XRN1: variants seen among roughly 807,000 people sequenced by gnomAD.
XRN1 encodes strand-exchange protein 1 homolog.
In XRN1, 67 loss-of-function variants were observed where a neutral mutation model predicts 222.3. The ratio of observed to expected loss-of-function variants is 0.30; its 90% CI spans 0.25 to 0.37. The LOEUF (loss-of-function observed/expected upper bound fraction) is 0.37, where lower values mean the gene tolerates loss of function less well. Ranked by LOEUF, XRN1 falls within the 10% of genes least tolerant of loss-of-function variation. XRN1 has a pLI of 1.00. For synonymous variants in XRN1, 643 were observed against 652.4 expected (o/e 0.99, Z 0.22); for missense variants, 1,707 against 2,000.2 (o/e 0.85, Z 2.80).
intron 20 of XRN1, among the ~76,000 whole-genome samples, chr3:142,390,825 C>T (rs2067684699): frequency 6.6e-6 from 1 of 152,154 alleles, no homozygotes; most frequent in Non-Finnish European, 1.5e-5. Context: ...TTGATTTAAA[C>T]CTAGAAACAT....
chr3:142,414,600 A>G (rs1577394443), intron 13 of XRN1, among the ~76,000 whole-genome samples: 2 of 151,566 alleles, frequency 1.3e-5, no homozygotes, highest in East Asian at 1.9e-4. Flanking sequence ...GGCTCAGGCC[A>G]TTCTGCTGCC....
chr3:142,354,366 G>A (rs1481736521), intron 32 of XRN1, among the ~76,000 whole-genome samples: 1 of 152,164 alleles, frequency 6.6e-6, no homozygotes, highest in East Asian at 1.9e-4. Context: ...AAGTAGTTTG[G>A]AGATTTCTCA....
intron 13 of XRN1, among the ~76,000 whole-genome samples, chr3:142,415,773 C>CA: frequency 6.6e-6 from 1 of 152,336 alleles, no homozygotes; most frequent in South Asian, 2.1e-4. Flanking sequence ...AGCTCTGAAA[C>CA]AGAGCCTAGC....
At position 142,384,523 on chromosome 3, in the gene XRN1, C is replaced by T. The variant is rs201009994; in HGVS notation, c.2502G>A (p.Lys834=). Residue 834 remains lysine, a splice_region_variant and synonymous_variant, in exon 21 of 41, where the codon AAG becomes AAA. Transcript: ENST00000392981. The part of the protein sequence containing the change: ...VVPFVYQTIV[K]DIRAFDSRFS... ...GAATTGAAACTTGATATAGACTTACCTTGACAATAGTTTGATAAACAAAAG... is the reference window on the plus strand; with the variant it reads ...GAATTGAAACTTGATATAGACTTACTTTGACAATAGTTTGATAAACAAAAG... The T allele has an allele frequency of 2.7e-5, 44 of 1,608,204 alleles. No individual in the cohort carries two copies. In the African/African-American group the frequency reaches 4.5e-4, roughly 17 times the overall value.
chr3:142,340,719 G>T (rs1197216857), intron 33 of XRN1, among the ~76,000 whole-genome samples: 1 of 152,144 alleles, frequency 6.6e-6, no homozygotes, highest in African/African-American at 2.4e-5. Context: ...CAATACATCT[G>T]GCAGCAGACT....
chr3:142,358,373 AT>A (rs956394632), intron 30 of XRN1, among the ~76,000 whole-genome samples: 12 of 151,846 alleles, frequency 7.9e-5, no homozygotes, highest in Admixed American at 1.3e-4. Flanking sequence ...TCTATCACCT[AT>A]TTTTTTTCTC....
At position 142,418,515 on chromosome 3, in the gene XRN1, G is replaced by A. The variant is rs147612996; in HGVS notation, c.1335C>T (p.Asp445=). ...RTYYMTKMGV[D]VVSDDFLADQ... Reference sequence around the variant, plus strand: ...TGGCAAAAACGTACTCAGATACTACGTCAACCCCCATCTTCGTCATGTAAT... The same window carrying A: ...TGGCAAAAACGTACTCAGATACTACATCAACCCCCATCTTCGTCATGTAAT... Residue 445 remains aspartate (D), a synonymous_variant, in exon 12 of 41, where the codon GAC becomes GAT. Coordinates refer to ENST00000392981, the MANE Select transcript of XRN1 (RefSeq NM_001282857.2). The A allele has an allele frequency of 7.0e-5, 112 of 1,608,876 alleles. 2 individuals are homozygous for A. In the Middle Eastern group the frequency reaches 1.3e-3, roughly 19 times the overall value.
intron 39 of XRN1, chr3:142,313,105 G>T: frequency 6.3e-7 from 1 of 1,590,918 alleles, no homozygotes; most frequent in Admixed American, 1.9e-5. Context: ...GAAAAGCTTG[G>T]GCACAAATAG....
intron 22 of XRN1, 37 bp downstream of exon 22, chr3:142,383,262 TA>T (rs1481725511): frequency 6.7e-7 from 1 of 1,502,822 alleles, no homozygotes; most frequent in East Asian, 2.3e-5. Context: ...TGCTTTAAAC[TA>T]GAGAAAAATG....
chr3:142,364,946 A>T, intron 29 of XRN1, 101 bp downstream of exon 29: 1 of 1,268,536 alleles, frequency 7.9e-7, no homozygotes, highest in Non-Finnish European at 1.1e-6. Context: ...TTTGTTCCTG[A>T]TTTATAGTCA....
chr3:142,351,145 G>GTATC (rs1430949981), intron 32 of XRN1, among the ~76,000 whole-genome samples: 4 of 151,890 alleles, frequency 2.6e-5, no homozygotes, highest in East Asian at 1.9e-4. Flanking sequence ...ATCTATCTAT[G>GTATC]TATCTATGTA....
chr3:142,400,591 A>C, intron 18 of XRN1, 44 bp from the exon 19 acceptor site: 1 of 1,535,440 alleles, frequency 6.5e-7, no homozygotes. Context: ...TTCAGGTCTA[A>C]GAGAAAACTT....
At chr3:142,321,899 C>G (rs1284872777) in intron 37 of XRN1, among the ~76,000 whole-genome samples, 1 of 152,114 alleles carries the variant, frequency 6.6e-6, no homozygotes, top group East Asian at 1.9e-4. Flanking sequence ...AAGATCATAT[C>G]ATCTGCAAAC....
At position 142,311,643 on chromosome 3, in the gene XRN1, T is replaced by A. The variant is rs145537762; in HGVS notation, c.4953A>T (p.Ala1651=). The A allele has an allele frequency of 6.2e-7, 1 of 1,614,044 alleles. No individual in the cohort carries two copies. The highest frequency in any genetic ancestry group is 1.3e-5 in the African/African-American group (1 of 74,930). The change falls in exon 41 of 41, where the codon GCA becomes GCT. Residue 1651 remains alanine, a synonymous_variant. Transcript: ENST00000392981. ...SLKSSPIAQP[A]SSFQVETASQ... ...AGGCAGTTTCAACTTGAAAAGAAGA[T>A]GCAGGTTGAGCAATCGGAGAGGACT...
At position 142,431,902 on chromosome 3, in the gene XRN1, T is replaced by TTA. The variant is rs1252861014; in HGVS notation, c.308+757_308+758dup. The stretch of plus-strand genomic sequence containing the variant: ...ATATATATTATATATAATATATATA[T>TTA]TATATATATAAATATATATAATATA... On this transcript the variant is annotated intron_variant, in intron 2 of 40. Transcript: ENST00000392981. 1.1e-4 allele frequency among the ~76,000 whole-genome samples: 5 copies of TTA among 45,050 alleles called. 1 individual carries two copies. Among genetic ancestry groups the TTA allele is most frequent in the South Asian group, 8.9e-4 (2 of 2,256 alleles). 29.6% of individuals were successfully genotyped at this position (45,050 alleles called of 152,430 possible).
chr3:142,347,048 C>CA (rs1330471556), intron 33 of XRN1, among the ~76,000 whole-genome samples, 186 bp downstream of exon 33: 1 of 151,870 alleles, frequency 6.6e-6, no homozygotes, highest in African/African-American at 2.4e-5. Flanking sequence ...TTTCAGGTGA[C>CA]AAAAAATGTT....
At chr3:142,411,914 G>C (rs377761464) in intron 15 of XRN1, among the ~76,000 whole-genome samples, 3 of 150,346 alleles carry the variant, frequency 2.0e-5, no homozygotes, top group East Asian at 2.0e-4. Flanking sequence ...CTCCGCCCCC[G>C]GGGGTTCACG....
intron 13 of XRN1, among the ~76,000 whole-genome samples, chr3:142,416,101 C>T (rs1355505514): frequency 1.3e-5 from 2 of 152,038 alleles, no homozygotes; most frequent in East Asian, 1.9e-4. Context: ...AAAAAGAACT[C>T]CTTTCTCTTT....
At chr3:142,404,434 G>A (rs7652687) in intron 16 of XRN1, among the ~76,000 whole-genome samples, 80,369 of 149,706 alleles carry the variant, frequency 0.54, 21,336 homozygotes, top group Middle Eastern at 0.57. Flanking sequence ...TGCAGGGAAG[G>A]TGAGAGAAGA....
Sources: allele counts gnomAD v4.1 joint callset (sites outside exome capture counted in the v4.1 genomes callset), GRCh38; gene constraint gnomAD v4.1.1; transcripts MANE v1.5; gene names NCBI Gene and HGNC (gene_info 2026-07-23, HGNC 2026-07-21).